Variants in NIBAN3 observed in about 807,000 individuals in gnomAD.
NIBAN3 encodes niban apoptosis regulator 3, also known as protein Niban 3.
A neutral mutation model predicts 76.4 loss-of-function variants in NIBAN3; 66 were observed. The observed-to-expected ratio is 0.86, with a 90% CI of 0.71 to 1.06. The LOEUF (loss-of-function observed/expected upper bound fraction) is 1.06, where lower values mean the gene tolerates loss of function less well. Ranked by LOEUF, NIBAN3 falls within the 50% of genes least tolerant of loss-of-function variation. The pLI is 0.00. For missense variants in NIBAN3, 808 were observed against 810.7 expected, an observed-to-expected ratio of 1.00 and a Z score of 0.04; for synonymous variants, 360 against 355.2, an observed-to-expected ratio of 1.01 and a Z score of -0.15.
intron 14 of NIBAN3, 59 bp downstream of exon 14, chr19:17,549,586 A>G: frequency 7.7e-7 from 1 of 1,306,222 alleles, no homozygotes; most frequent in Non-Finnish European, 1.1e-6. Context: ...GGGGAGGTGG[A>G]GGCCCACATG....
At chr19:17,527,935 C>G (rs2144663825) in intron 1 of NIBAN3, among the ~76,000 whole-genome samples, 1 of 152,172 alleles carries the variant, frequency 6.6e-6, no homozygotes, top group East Asian at 1.9e-4. Flanking sequence ...CTCAAGCGAT[C>G]CTCCCACATC....
downstream of NIBAN3, among the ~76,000 whole-genome samples, chr19:17,554,297 TAGCG>T (rs1165756543): frequency 2.0e-5 from 3 of 151,598 alleles, no homozygotes. Context: ...CGGGGCAACA[TAGCG>T]AGACTCCATC....
rs1208635660 is a variant in NIBAN3 at position 17,539,210 on chromosome 19, G to A, written c.656G>A (p.Arg219Gln). The A allele has an allele frequency of 6.2e-7, 1 of 1,608,898 alleles. No individual in the cohort carries two copies. Among genetic ancestry groups the A allele is most frequent in the Admixed American group, 1.7e-5 (1 of 59,538 alleles). ...RAFLDAVRLY[R>Q]QHQGHFGDDD... ...TTCCTGGACGCCGTCCGACTCTACC[G>A]GCAGCACCAAGGCCACTTTGGCGAC... Residue 219 changes from arginine (R) to glutamine (Q), a missense_variant, in exon 6 of 15, where the codon CGG (arginine) becomes CAG (glutamine). By Grantham distance (43) the Arg-to-Gln change is conservative. Coordinates refer to ENST00000599164, the MANE Select transcript of NIBAN3 (RefSeq NM_001321827.2).
At chr19:17,543,219 G>T in intron 10 of NIBAN3, 98 bp from the exon 11 acceptor site, 1 of 761,782 alleles carries the variant, frequency 1.3e-6, no homozygotes. Flanking sequence ...TGGCTGGTTG[G>T]AACAGGTTGG....
Position 17,542,018 on chromosome 19 carries a change from GC to G in NIBAN3, c.1171-117del. On this transcript the variant is annotated intron_variant, in intron 9 of 14. Coordinates refer to ENST00000599164, the MANE Select transcript of NIBAN3 (RefSeq NM_001321827.2). This position sits in a 1 kb window ranked among gnomAD's most constrained non-coding sequence, Gnocchi z 4.8. ...TGTATTATGAGTTTCTTTGGTGACA[GC>G]TGAGACGGGATGTATTTTCATTTGT... 2 of 1,258,368 alleles carry G rather than the reference GC, an allele frequency of 1.6e-6. No individual in the cohort carries two copies. Among genetic ancestry groups the G allele is most frequent in the Non-Finnish European group, 2.3e-6 (2 of 875,676 alleles). The allele number at this position is 1,258,368 out of a possible 1,614,324, so 78.0% of individuals were successfully genotyped here.
At chr19:17,538,754 AAGAAAG>A (rs2075876326) in intron 5 of NIBAN3, among the ~76,000 whole-genome samples, 1 of 151,632 alleles carries the variant, frequency 6.6e-6, no homozygotes, top group African/African-American at 2.4e-5. Context: ...AAGAGAAAGA[AAGAAAG>A]AGAGGGAGGG....
chr19:17,532,502 A>G, intron 3 of NIBAN3, 114 bp downstream of exon 3: 4 of 1,512,160 alleles, frequency 2.6e-6, no homozygotes, highest in Non-Finnish European at 3.7e-6. Context: ...TCAATCACCC[A>G]GGATGAATCT....
intron 4 of NIBAN3, 142 bp downstream of exon 4, chr19:17,533,843 C>A: frequency 1.6e-6 from 1 of 644,178 alleles, no homozygotes. Context: ...CACTCCCTGC[C>A]TGCAGCAGCC....
intron 5 of NIBAN3, among the ~76,000 whole-genome samples, chr19:17,538,268 T>G (rs1201656826): frequency 6.6e-6 from 1 of 151,362 alleles, no homozygotes; most frequent in East Asian, 2.0e-4. Flanking sequence ...TACAAAAAAT[T>G]AGCCGAGCGT....
upstream of NIBAN3, among the ~76,000 whole-genome samples, chr19:17,525,339 A>C (rs530380295): frequency 0.02 from 2,407 of 120,834 alleles, 31 homozygotes; most frequent in African/African-American, 0.049. Flanking sequence ...CCCTCCCTTC[A>C]TTCATTCATT....
chr19:17,526,783 C>T (rs1167322197), upstream of NIBAN3, among the ~76,000 whole-genome samples: 3 of 152,178 alleles, frequency 2.0e-5, no homozygotes, highest in Non-Finnish European at 4.4e-5. Context: ...TGCCAGGCCA[C>T]CCATCCTCTA....
Position 17,540,579 on chromosome 19 carries a change from G to C in NIBAN3, c.1167G>C (p.Arg389Ser). ...GCCCCTCAGGCACGCGGCTGCGCAG[G>C]GAGGTGAGCTCCCGTGGGTAGGGGT... is the stretch of plus-strand genomic sequence containing the variant. ...RQSPSGTRLR[R>S]EVYSFGEMPW... Residue 389 changes from arginine (R) to serine (S), a missense_variant, in exon 9 of 15, where the codon AGG becomes AGC. Coordinates refer to ENST00000599164, the MANE Select transcript of NIBAN3 (RefSeq NM_001321827.2). 6.6e-7 allele frequency: 1 copy of C among 1,505,598 alleles called. No individual in the cohort carries two copies. The highest frequency in any genetic ancestry group is 8.9e-7 in the Non-Finnish European group (1 of 1,124,266). The allele number at this position is 1,505,598 out of a possible 1,614,324, so 93.3% of individuals were successfully genotyped here.
chr19:17,527,115 T>A (rs1485623962), upstream of NIBAN3: 5 of 1,138,660 alleles, frequency 4.4e-6, no homozygotes, highest in Admixed American at 1.0e-4. Flanking sequence ...CCCCACAACC[T>A]AACCCCGGGG....
At chr19:17,539,832 C>A in intron 8 of NIBAN3, 67 bp downstream of exon 8, 1 of 1,270,484 alleles carries the variant, frequency 7.9e-7, no homozygotes, top group Non-Finnish European at 1.1e-6. Flanking sequence ...GGGGCGTGAC[C>A]TAAGCGAAGA....
intron 1 of NIBAN3, among the ~76,000 whole-genome samples, chr19:17,528,806 T>C (rs1287723641): frequency 6.6e-6 from 1 of 152,004 alleles, no homozygotes; most frequent in East Asian, 1.9e-4. Context: ...CTCCAGCCAT[T>C]GGGTCTACAT....
At chr19:17,547,555 A>G (rs1259013527) in intron 13 of NIBAN3, among the ~76,000 whole-genome samples, 2 of 150,704 alleles carry the variant, frequency 1.3e-5, no homozygotes, top group African/African-American at 4.9e-5. Context: ...GGGTTTCACC[A>G]TGTTGGTCAG....
upstream of NIBAN3, chr19:17,523,302 C>G: frequency 3.9e-6 from 3 of 759,680 alleles, no homozygotes; most frequent in Non-Finnish European, 6.2e-6. Context: ...AGGCACCCGG[C>G]TGAGCAGGAG....
chr19:17,546,761 G>C lies in NIBAN3; in HGVS notation c.1630G>C (p.Val544Leu), dbSNP rs374460967. The change falls in exon 13 of 15, where the codon GTC (valine) becomes CTC (leucine). Residue 544 changes from valine (V) to leucine (L), a missense_variant. Physicochemically the swap from Val to Leu is conservative, Grantham distance 32. Transcript: ENST00000599164. ...ALTTEGIYEDVIRGCLLQRID... is the reference protein window; with the variant it reads ...ALTTEGIYEDLIRGCLLQRID... ...GACCACTGAGGGCATCTATGAGGACGTCATCCGGGGGTGCTTGCTGCAGAG... is the reference window on the plus strand; with the variant it reads ...GACCACTGAGGGCATCTATGAGGACCTCATCCGGGGGTGCTTGCTGCAGAG... 6.2e-7 allele frequency: 1 copy of C among 1,604,834 alleles called. No homozygotes were observed. The highest frequency in any genetic ancestry group is 8.5e-7 in the Non-Finnish European group (1 of 1,176,530).
chr19:17,533,763 C>T, intron 4 of NIBAN3, 62 bp downstream of exon 4: 4 of 1,253,296 alleles, frequency 3.2e-6, no homozygotes, highest in Non-Finnish European at 4.7e-6. Flanking sequence ...ACATGTGGGG[C>T]CAGATCATTC....
Sources: allele counts gnomAD v4.1 joint callset (sites outside exome capture counted in the v4.1 genomes callset), GRCh38; gene constraint gnomAD v4.1.1; non-coding constraint Gnocchi (gnomAD v3.1); transcripts MANE v1.5; gene names NCBI Gene and HGNC (gene_info 2026-07-23, HGNC 2026-07-21).